Variants in ARSB observed in about 807,000 individuals in gnomAD.
ARSB encodes the protein N-acetylgalactosamine-4-sulfatase.
A neutral mutation model predicts 50.9 loss-of-function variants in ARSB; 41 were observed. The ratio of observed to expected loss-of-function variants is 0.81; its 90% confidence interval spans 0.63 to 1.04. ARSB has a LOEUF of 1.04. Ranked by LOEUF, ARSB falls within the 50% of genes least tolerant of loss-of-function variation. The pLI, the probability that ARSB is intolerant of heterozygous loss-of-function variation, is 0.00. For missense variants in ARSB, 672 were observed against 693.3 expected, an observed-to-expected ratio of 0.97 and a Z score of 0.35; for synonymous variants, 269 against 284.8, an observed-to-expected ratio of 0.94 and a Z score of 0.56.
In ARSB at chr5:78,815,002, T is replaced by TAAAA. The variant is rs113492241; in HGVS notation, c.1213+24350_1213+24353dup. 3.3e-5 allele frequency among the ~76,000 whole-genome samples: 5 copies of TAAAA among 149,830 alleles called. 1 individual carries two copies. The highest frequency in any genetic ancestry group is 1.2e-4 in the African/African-American group (5 of 40,376). On this transcript the variant is annotated intron_variant, in intron 6 of 7. Transcript: ENST00000264914. ...GTTGAATATATAAGGGCACACAAAG[T>TAAAA]AAAAAAAACCCCAAACTAAAACAAC...
intron 5 of ARSB, among the ~76,000 whole-genome samples, chr5:78,877,563 AT>A (rs578041519): frequency 2.4e-4 from 36 of 151,952 alleles, no homozygotes. Context: ...TAATTTTTAT[AT>A]TTTTATTAGA....
intron 4 of ARSB, among the ~76,000 whole-genome samples, chr5:78,913,358 T>C (rs1390715355): frequency 3.3e-5 from 5 of 152,016 alleles, no homozygotes. Context: ...TCTCCTGACC[T>C]CGTGATCCGC....
chr5:78,862,262 CTACTT>C (rs1424952422), intron 5 of ARSB, among the ~76,000 whole-genome samples: 2 of 152,160 alleles, frequency 1.3e-5, no homozygotes, highest in African/African-American at 4.8e-5. Flanking sequence ...TTGGAAAAAA[CTACTT>C]TAAAGTTCAG....
At chr5:78,941,942 T>C (rs1053281471) in intron 4 of ARSB, among the ~76,000 whole-genome samples, 10 of 152,222 alleles carry the variant, frequency 6.6e-5, no homozygotes, top group Non-Finnish European at 1.2e-4. Flanking sequence ...AGCTATTGAT[T>C]ATTGTCACAA....
At chr5:78,786,256 C>G (rs549725982) in intron 6 of ARSB, among the ~76,000 whole-genome samples, 64 of 152,290 alleles carry the variant, frequency 4.2e-4, no homozygotes, top group African/African-American at 1.5e-3. Flanking sequence ...AATATGTGGC[C>G]TTTCGTGTCT....
rs559429922 is a variant in ARSB, at chr5:78,954,191, G to A, written c.898+1104C>T. Among the ~76,000 whole-genome samples, 21 of 152,092 alleles carry A rather than the reference G, an allele frequency of 1.4e-4. No homozygotes were observed. In the South Asian group the frequency reaches 3.1e-3, roughly 23 times the overall value. On this transcript the variant is annotated intron_variant, in intron 4 of 7. Coordinates refer to ENST00000264914, the MANE Select transcript of ARSB (RefSeq NM_000046.5). Reference sequence around the variant, plus strand: ...CAGAAAAAATAGGGGAAGGTGGGACGGAGGGCCACACAATTCCAAAATAAA... The same window carrying A: ...CAGAAAAAATAGGGGAAGGTGGGACAGAGGGCCACACAATTCCAAAATAAA...
At chr5:78,784,086 T>C (rs1253400967) in intron 6 of ARSB, among the ~76,000 whole-genome samples, 5 of 152,254 alleles carry the variant, frequency 3.3e-5, no homozygotes, top group Non-Finnish European at 7.3e-5. Context: ...TCCTTTCATT[T>C]ACTCCTCTAG....
intron 1 of ARSB, among the ~76,000 whole-genome samples, chr5:78,983,199 G>A (rs369290477): frequency 6.6e-6 from 1 of 152,094 alleles, no homozygotes; most frequent in East Asian, 1.9e-4. Flanking sequence ...GACTATAGAC[G>A]CATGCCACCA....
intron 5 of ARSB, among the ~76,000 whole-genome samples, chr5:78,874,724 A>G (rs1033242360): frequency 8.5e-5 from 13 of 152,298 alleles, no homozygotes; most frequent in Admixed American, 5.2e-4. Flanking sequence ...AAAACCTAAC[A>G]CTATACTTAA....
At chr5:78,830,278 C>T (rs964559050) in intron 6 of ARSB, among the ~76,000 whole-genome samples, 13 of 152,238 alleles carry the variant, frequency 8.5e-5, no homozygotes, top group East Asian at 5.8e-4. Context: ...GAGTTATGGG[C>T]CACTAACCAC....
At chr5:78,918,427 T>C (rs1283486069) in intron 4 of ARSB, among the ~76,000 whole-genome samples, 1 of 152,200 alleles carries the variant, frequency 6.6e-6, no homozygotes, top group Non-Finnish European at 1.5e-5. Flanking sequence ...TATTTTAGAA[T>C]AGTTTTAGAT....
In ARSB at chr5:78,847,938, A is replaced by C. The variant is rs145199073; in HGVS notation, c.1143-8512T>G. On this transcript the variant is annotated intron_variant, in intron 5 of 7. Coordinates refer to ENST00000264914, the MANE Select transcript of ARSB (RefSeq NM_000046.5). ...CTTTTTTGTTGGTGATTTTATTTGG[A>C]CCATTTACATTCTTGATTCATCTAG... Among the ~76,000 whole-genome samples, 400 of 151,932 alleles carry C rather than the reference A, an allele frequency of 2.6e-3. 2 individuals are homozygous for C. The highest frequency in any genetic ancestry group is 8.8e-3 in the African/African-American group (367 of 41,474).
chr5:78,874,023 T>TA (rs1747368388), intron 5 of ARSB, among the ~76,000 whole-genome samples: 1 of 152,166 alleles, frequency 6.6e-6, no homozygotes, highest in Non-Finnish European at 1.5e-5. Flanking sequence ...ATCAGGCTGA[T>TA]ATTAGACTTA....
upstream of ARSB, chr5:78,985,498 A>C (rs1375749881): frequency 7.1e-6 from 2 of 280,230 alleles, no homozygotes; most frequent in Non-Finnish European, 1.3e-5. Context: ...AACTCAGCTG[A>C]CGCTTGGAGG....
intron 5 of ARSB, among the ~76,000 whole-genome samples, chr5:78,856,639 A>G (rs1333425761): frequency 6.6e-6 from 1 of 152,230 alleles, no homozygotes; most frequent in East Asian, 1.9e-4. Flanking sequence ...CAGTGGCCCT[A>G]TCAGAACCAT....
chr5:78,947,748 A>G (rs114573814), intron 4 of ARSB, among the ~76,000 whole-genome samples: 5,539 of 152,314 alleles, frequency 0.036, 297 homozygotes, highest in African/African-American at 0.12. Context: ...ACTAAAAACA[A>G]AACTACCACA....
At chr5:78,862,666 G>C (rs1385077618) in intron 5 of ARSB, among the ~76,000 whole-genome samples, 18 of 152,124 alleles carry the variant, frequency 1.2e-4, no homozygotes, top group Admixed American at 1.2e-3. Flanking sequence ...AAAAAACCTA[G>C]GCATTACCAT....
chr5:78,952,367 C>T (rs1299248399), intron 4 of ARSB, among the ~76,000 whole-genome samples: 10 of 152,096 alleles, frequency 6.6e-5, no homozygotes, highest in African/African-American at 2.2e-4. Flanking sequence ...AACAAGGTCT[C>T]GCTCTGTTAC....
At chr5:78,846,432 A>G (rs1460968631) in intron 5 of ARSB, among the ~76,000 whole-genome samples, 1 of 152,044 alleles carries the variant, frequency 6.6e-6, no homozygotes, top group Non-Finnish European at 1.5e-5. Context: ...TGGTATTTAG[A>G]TAGGGATTGC....
Sources: allele counts gnomAD v4.1 joint callset (sites outside exome capture counted in the v4.1 genomes callset), GRCh38; gene constraint gnomAD v4.1.1; transcripts MANE v1.5; gene names NCBI Gene and HGNC (gene_info 2026-07-23, HGNC 2026-07-21).